The following MEIS2 variants were observed in gnomAD, a reference collection of about 807,000 sequenced individuals.
The protein encoded by MEIS2 is homeobox protein Meis2.
Under a neutral mutation model 58.6 loss-of-function variants are expected in MEIS2, and 9 were observed. The ratio of observed to expected loss-of-function variants is 0.15; its 90% CI spans 0.09 to 0.27. The LOEUF is 0.27. MEIS2 is among the 10% of genes least tolerant of loss of function. The pLI, the probability that MEIS2 is intolerant of heterozygous loss-of-function variation, is 1.00. For synonymous variants in MEIS2, 221 were observed against 228.4 expected, an observed-to-expected ratio of 0.97 and a Z score of 0.29; for missense variants, 427 against 635.0, an observed-to-expected ratio of 0.67 and a Z score of 3.52.
chr15:36,894,529 C>T, intron 11 of MEIS2: 1 of 460,246 alleles, frequency 2.2e-6, no homozygotes. Context: ...GTCAGTTGGC[C>T]TTTTCAAAAG....
intron 8 of MEIS2, among the ~76,000 whole-genome samples, chr15:36,989,843 T>C (rs959286607): frequency 6.6e-6 from 1 of 152,212 alleles, no homozygotes; most frequent in African/African-American, 2.4e-5. Flanking sequence ...GTAAGTACAG[T>C]GTAGCAACAT....
intron 1 of MEIS2, 180 bp from the exon 2 acceptor site, chr15:37,098,379 GGAGAGAGAGAGAGAGA>G (rs534692479): frequency 0.063 from 19,510 of 307,906 alleles, 332 homozygotes; most frequent in Non-Finnish European, 0.072. Flanking sequence ...GAGGAGAGGG[GGAGAGAGAGAGAGAGA>G]GAGAGAGAGA....
chr15:37,042,057 G>A (rs890579841), intron 7 of MEIS2, among the ~76,000 whole-genome samples: 1 of 151,964 alleles, frequency 6.6e-6, no homozygotes, highest in Non-Finnish European at 1.5e-5. Context: ...AGATTGAGGT[G>A]GGAGGATGGC....
At chr15:37,001,712 A>G (rs2060735349) in intron 8 of MEIS2, among the ~76,000 whole-genome samples, 1 of 152,214 alleles carries the variant, frequency 6.6e-6, no homozygotes, top group Admixed American at 6.5e-5. Flanking sequence ...TTTGGGAAAT[A>G]TGGGCAGATC....
intron 7 of MEIS2, among the ~76,000 whole-genome samples, chr15:37,083,183 G>A (rs995882729): frequency 1.3e-5 from 2 of 152,000 alleles, no homozygotes; most frequent in African/African-American, 4.8e-5. Flanking sequence ...TGTCCCCCTT[G>A]CCCTCTGATT....
intron 6 of MEIS2, among the ~76,000 whole-genome samples, chr15:37,087,336 G>A (rs1893007857): frequency 6.6e-6 from 1 of 152,116 alleles, no homozygotes; most frequent in Non-Finnish European, 1.5e-5. Flanking sequence ...GAAAAGCAGT[G>A]AATACTGAGT....
intron 9 of MEIS2, among the ~76,000 whole-genome samples, chr15:36,949,960 G>A (rs955204668): frequency 2.0e-5 from 3 of 151,942 alleles, no homozygotes; most frequent in African/African-American, 7.2e-5. Context: ...TCCGTATGAG[G>A]ACTGTGCAAA....
chr15:36,965,007 A>G (rs998304217), intron 8 of MEIS2, among the ~76,000 whole-genome samples: 2 of 152,116 alleles, frequency 1.3e-5, no homozygotes, highest in Non-Finnish European at 2.9e-5. Context: ...GTCTCATCTC[A>G]CTTGATAAAG....
chr15:36,898,797 C>T (rs991485197), intron 9 of MEIS2: 1 of 152,102 alleles, frequency 6.6e-6, no homozygotes, highest in Non-Finnish European at 1.5e-5. Flanking sequence ...TTAGTAAAAA[C>T]GAGGTCCGCT....
At chr15:36,971,537 T>TAAAAAAAAAAAAAA (rs71126247) in intron 8 of MEIS2, among the ~76,000 whole-genome samples, 1,120 of 66,882 alleles carry the variant, frequency 0.017, 160 homozygotes, top group Non-Finnish European at 0.019. Flanking sequence ...CTTGTTACAT[T>TAAAAAAAAAAAAAA]AAAAAAAAAA....
At chr15:37,092,199 G>A (rs892920452) in intron 6 of MEIS2, among the ~76,000 whole-genome samples, 1 of 152,198 alleles carries the variant, frequency 6.6e-6, no homozygotes, top group Non-Finnish European at 1.5e-5. Context: ...CACAGAACTG[G>A]ATATCCCAGA....
intron 8 of MEIS2, among the ~76,000 whole-genome samples, chr15:36,960,606 G>T (rs775752110): frequency 6.6e-6 from 1 of 152,002 alleles, no homozygotes; most frequent in Non-Finnish European, 1.5e-5. Context: ...TGGCTGAAAG[G>T]TTCAGAACTA....
intron 9 of MEIS2, among the ~76,000 whole-genome samples, chr15:36,910,821 C>T (rs963012284): frequency 1.3e-5 from 2 of 152,018 alleles, no homozygotes; most frequent in African/African-American, 2.4e-5. Flanking sequence ...CCTAGGCGGG[C>T]GGATCACGAG....
intron 7 of MEIS2, among the ~76,000 whole-genome samples, chr15:37,050,491 G>A (rs951156454): frequency 7.2e-5 from 11 of 152,128 alleles, no homozygotes; most frequent in African/African-American, 2.4e-4. Flanking sequence ...AAATTTCAAA[G>A]GCATTAACTT....
intron 9 of MEIS2, among the ~76,000 whole-genome samples, chr15:36,943,907 G>T (rs1309252338): frequency 1.3e-5 from 2 of 151,916 alleles, no homozygotes; most frequent in Admixed American, 1.3e-4. Flanking sequence ...AAAGGCTCTT[G>T]CTGAGTCTTA....
chr15:37,053,663 T>TA (rs368697803), intron 7 of MEIS2, among the ~76,000 whole-genome samples: 65 of 152,312 alleles, frequency 4.3e-4, no homozygotes, highest in African/African-American at 1.6e-3. Context: ...ATTTAAATGA[T>TA]AAAAAATGTG....
chr15:36,973,507 A>C (rs112421521), intron 8 of MEIS2, among the ~76,000 whole-genome samples: 3 of 152,232 alleles, frequency 2.0e-5, no homozygotes, highest in African/African-American at 7.2e-5. Context: ...AAAACTATAG[A>C]ATAAAGAGCC....
chr15:36,916,366 G>A (rs1447339409), intron 9 of MEIS2, among the ~76,000 whole-genome samples: 2 of 150,196 alleles, frequency 1.3e-5, no homozygotes, highest in East Asian at 3.9e-4. Flanking sequence ...GGCAGAGCTT[G>A]CAGTGAGCTG....
At chr15:36,920,915 C>G (rs1440868733) in intron 9 of MEIS2, among the ~76,000 whole-genome samples, 1 of 152,120 alleles carries the variant, frequency 6.6e-6, no homozygotes, top group South Asian at 2.1e-4. Context: ...CCAGCGCTCA[C>G]GGCCGGGAGG....
Sources: allele counts gnomAD v4.1 joint callset (sites outside exome capture counted in the v4.1 genomes callset), GRCh38; gene constraint gnomAD v4.1.1; transcripts MANE v1.5; gene names NCBI Gene and HGNC (gene_info 2026-07-23, HGNC 2026-07-21).